ANGEL1: variants seen among roughly 807,000 people sequenced by gnomAD.
ANGEL1 encodes the protein angel homolog 1.
A neutral mutation model predicts 76.4 loss-of-function variants in ANGEL1; 62 were observed. That is an observed-to-expected ratio of 0.81 (90% CI 0.66 to 1.00). The LOEUF is 1.00. ANGEL1 is among the 50% of genes least tolerant of loss of function. The pLI is 0.00. For synonymous variants in ANGEL1, 340 were observed against 331.7 expected (o/e 1.03, Z -0.27); for missense variants, 737 against 836.7 (o/e 0.88, Z 1.47).
In ANGEL1 at chr14:76,788,925, A is replaced by G. The variant is rs545458447; in HGVS notation, c.*303T>C. On this transcript the variant is annotated 3_prime_UTR_variant, in exon 10 of 10. Coordinates refer to ENST00000251089, the MANE Select transcript of ANGEL1 (RefSeq NM_015305.4). The stretch of plus-strand genomic sequence containing the variant: ...AATCAAGAACTCCCATAACCCTGGT[A>G]ATTAAAAATCAAGGGGGAGCGCTGG... The G allele has an allele frequency of 9.9e-5, 30 of 304,556 alleles. No homozygotes were observed. In the East Asian group the frequency reaches 1.5e-3, roughly 15 times the overall value. 18.9% of individuals were successfully genotyped at this position (304,556 alleles called of 1,614,324 possible).
At chr14:76,793,375 A>AG (rs1491149707) in intron 7 of ANGEL1, among the ~76,000 whole-genome samples, 2 of 8,546 alleles carry the variant, frequency 2.3e-4, no homozygotes, top group East Asian at 3.8e-3. Flanking sequence ...AGGAGAGGGG[A>AG]AAGAGGAGAG....
Position 76,791,319 on chromosome 14 carries a change from C to T in ANGEL1, c.1666G>A (p.Glu556Lys). 6.2e-7 allele frequency: 1 copy of T among 1,614,114 alleles called. No individual in the cohort carries two copies. The highest frequency in any genetic ancestry group is 2.2e-5 in the East Asian group (1 of 44,884). ...TACCTGGAGAAGGCAGGCTCAAGCT[C>T]CGATGCATCTTCCTCAAGGACAGAC... is the stretch of plus-strand genomic sequence containing the variant. ...AESVLEEDASELEPAFSRTVG... is the reference protein window; with the variant it reads ...AESVLEEDASKLEPAFSRTVG... The change falls in exon 8 of 10, where the codon GAG (glutamate) becomes AAG (lysine). Residue 556 changes from glutamate (E) to lysine (K), a missense_variant. Physicochemically the swap from Glu to Lys is moderately conservative, Grantham distance 56. Transcript: ENST00000251089.
At chr14:76,812,176 G>C in intron 1 of ANGEL1, 1 of 922,574 alleles carries the variant, frequency 1.1e-6, no homozygotes, top group Non-Finnish European at 1.3e-6. Context: ...CTAAACCGCC[G>C]GGAGTGGGGG....
In ANGEL1 at chr14:76,789,404, GA is replaced by G. The variant is rs1197438474; in HGVS notation, c.1853-17del. ...AGCCTGTGATCTGGGGCACAAAGCAGAAGCCAATGGGTAAAAGCAGCCGCAG... is the reference window on the plus strand; with the variant it reads ...AGCCTGTGATCTGGGGCACAAAGCAGAGCCAATGGGTAAAAGCAGCCGCAG... On this transcript the variant is annotated splice_polypyrimidine_tract_variant and intron_variant, in intron 9 of 9. Coordinates refer to ENST00000251089, the MANE Select transcript of ANGEL1 (RefSeq NM_015305.4). The G allele has an allele frequency of 6.2e-7, 1 of 1,613,658 alleles. No individual in the cohort carries two copies. The highest frequency in any genetic ancestry group is 8.5e-7 in the Non-Finnish European group (1 of 1,179,816).
chr14:76,790,553 A>G, intron 9 of ANGEL1, 58 bp downstream of exon 9: 4 of 1,559,004 alleles, frequency 2.6e-6, no homozygotes, highest in Non-Finnish European at 3.5e-6. Flanking sequence ...TGCCTGACCT[A>G]CCATTAGCTG....
intron 7 of ANGEL1, among the ~76,000 whole-genome samples, chr14:76,797,276 CA>C (rs1168664964): frequency 6.6e-6 from 1 of 152,148 alleles, no homozygotes; most frequent in African/African-American, 2.4e-5. Flanking sequence ...AAAAAACAAA[CA>C]AGCTAAAAAG....
At chr14:76,794,494 A>G (rs1210730339) in intron 7 of ANGEL1, among the ~76,000 whole-genome samples, 1 of 151,818 alleles carries the variant, frequency 6.6e-6, no homozygotes, top group African/African-American at 2.4e-5. Context: ...ATACAGTGAA[A>G]CCCCGTCTCT....
chr14:76,810,242 C>T (rs1413890433), intron 1 of ANGEL1: 2 of 454,830 alleles, frequency 4.4e-6, no homozygotes, highest in Admixed American at 2.4e-5. Context: ...GGCAACATAA[C>T]GAAACTTCAT....
intron 7 of ANGEL1, among the ~76,000 whole-genome samples, chr14:76,797,316 T>C (rs1197464105): frequency 6.6e-6 from 1 of 152,148 alleles, no homozygotes; most frequent in Non-Finnish European, 1.5e-5. Flanking sequence ...ACTGACCAGA[T>C]AGGCCAGACA....
chr14:76,795,382 G>C (rs1163309396), intron 7 of ANGEL1, among the ~76,000 whole-genome samples: 1 of 152,038 alleles, frequency 6.6e-6, no homozygotes, highest in Non-Finnish European at 1.5e-5. Context: ...TCAATATGCT[G>C]CTAGATTTTG....
At chr14:76,794,323 T>C (rs1007479236) in intron 7 of ANGEL1, among the ~76,000 whole-genome samples, 7 of 152,098 alleles carry the variant, frequency 4.6e-5, no homozygotes, top group Non-Finnish European at 7.3e-5. Flanking sequence ...AAAAAGGATA[T>C]GGGAATGTTA....
intron 7 of ANGEL1, among the ~76,000 whole-genome samples, chr14:76,798,484 C>T (rs1032107936): frequency 1.3e-5 from 2 of 151,974 alleles, no homozygotes; most frequent in African/African-American, 4.8e-5. Flanking sequence ...AAATAAATTT[C>T]TATTGTTTAA....
chr14:76,808,998 G>C (rs948495314), intron 2 of ANGEL1, 61 bp downstream of exon 2: 3 of 1,476,630 alleles, frequency 2.0e-6, no homozygotes, highest in African/African-American at 2.8e-5. Flanking sequence ...TTTAGCAATG[G>C]CTCTGCCCAC....
intron 1 of ANGEL1, chr14:76,812,394 G>A: frequency 1.9e-6 from 2 of 1,073,318 alleles, no homozygotes; most frequent in Non-Finnish European, 2.3e-6. Flanking sequence ...ACTCGCCTAG[G>A]TCCGAGCTAC....
intron 1 of ANGEL1, among the ~76,000 whole-genome samples, chr14:76,810,708 G>A (rs551982423): frequency 9.2e-5 from 14 of 152,244 alleles, no homozygotes; most frequent in African/African-American, 2.6e-4. Context: ...ATTACAAGGT[G>A]CCAACAATCG....
In ANGEL1 at chr14:76,809,515, G is replaced by A. The variant is rs372068650; in HGVS notation, c.193C>T (p.Arg65Ter). The A allele has an allele frequency of 6.8e-5, 110 of 1,614,052 alleles. No individual in the cohort carries two copies. The highest frequency in any genetic ancestry group is 9.1e-5 in the Non-Finnish European group (107 of 1,180,030). The change falls in exon 2 of 10, where the codon CGA becomes TGA. Residue 65 changes from arginine (R) to a stop codon, truncating the protein, a stop_gained. Transcript: ENST00000251089. LOFTEE classifies it high-confidence loss of function. ...AGCACCTGGCTCAACCCTTCTTCTC[G>A]CCACTGCTGCAGCAGGCCCTCACAT... is the stretch of plus-strand genomic sequence containing the variant. The part of the protein sequence containing the change: ...EECEGLLQQW[R>*]EEGLSQVLST...
Position 76,807,494 on chromosome 14 carries a change from AC to A in ANGEL1, c.884del (p.Cys295PhefsTer20). On this transcript the variant is annotated frameshift_variant, in exon 4 of 10. Coordinates refer to ENST00000251089, the MANE Select transcript of ANGEL1 (RefSeq NM_015305.4). LOFTEE classifies it high-confidence loss of function. The part of the protein sequence containing the change: ...EFQHWDPDIL[C>X]LQEVQEDHYW... ...AATGATCTTCCTGGACTTCCTGGAG[AC>A]ACAGGATCTGGGAAATTGACAAGAA... The A allele has an allele frequency of 6.2e-7, 1 of 1,613,494 alleles. No homozygotes were observed. Among genetic ancestry groups the A allele is most frequent in the Non-Finnish European group, 8.5e-7 (1 of 1,179,794 alleles).
At chr14:76,805,209 G>A (rs1046260909) in intron 5 of ANGEL1, among the ~76,000 whole-genome samples, 3 of 152,004 alleles carry the variant, frequency 2.0e-5, no homozygotes, top group Non-Finnish European at 2.9e-5. Flanking sequence ...ATCCCCCATC[G>A]TATAGATGAG....
chr14:76,803,725 C>T, intron 6 of ANGEL1, 61 bp downstream of exon 6: 1 of 1,548,666 alleles, frequency 6.5e-7, no homozygotes, highest in South Asian at 1.2e-5. Flanking sequence ...CGTTGAGACA[C>T]CAGCTTTCTC....
Sources: gnomAD v4.1 joint callset for allele counts (sites outside exome capture counted in the v4.1 genomes callset) on GRCh38, gnomAD v4.1.1 for gene constraint, MANE v1.5 for transcripts, NCBI Gene and HGNC (gene_info 2026-07-23, HGNC 2026-07-21) for gene names.